The following AMZ1 variants were observed in gnomAD, a reference collection of about 807,000 sequenced individuals.
AMZ1 encodes archaelysin family metallopeptidase 1, also known as archaemetzincin-1.
AMZ1 carries 39 observed loss-of-function variants against 29.9 expected under a neutral mutation model. That is an observed-to-expected ratio of 1.30 (90% CI 1.01 to 1.70). AMZ1 has a LOEUF of 1.70. Ranked by LOEUF, AMZ1 falls within the 40% of genes most tolerant of loss-of-function variation. The pLI, the probability that AMZ1 is intolerant of heterozygous loss-of-function variation, is 0.00. For synonymous variants in AMZ1, 458 were observed against 304.0 expected, an observed-to-expected ratio of 1.51 and a Z score of -5.27; for missense variants, 1,041 against 680.6, an observed-to-expected ratio of 1.53 and a Z score of -5.89.
Position 2,712,533 on chromosome 7 carries a change from G to A in AMZ1, c.1152G>A (p.Gly384=), listed in dbSNP as rs747202914. The change falls in exon 7 of 7, where the codon GGG becomes GGA. Residue 384 remains glycine, a synonymous_variant. Transcript: ENST00000683327. ...SHTFASGPEE[G]LSYLAASEAP... Reference sequence around the variant, plus strand: ...CCTTCGCCTCGGGGCCAGAGGAAGGGCTGAGCTACCTGGCAGCCTCAGAGG... The same window carrying A: ...CCTTCGCCTCGGGGCCAGAGGAAGGACTGAGCTACCTGGCAGCCTCAGAGG... The A allele has an allele frequency of 4.4e-6, 7 of 1,608,444 alleles. No individual in the cohort carries two copies. The African/African-American group carries it at 5.3e-5, about 12-fold the overall frequency.
rs754714883 is a variant in AMZ1, at chr7:2,708,748, G to C, written c.601+32G>C. The C allele has an allele frequency of 2.5e-6, 4 of 1,610,900 alleles. No individual in the cohort carries two copies. The South Asian group carries it at 3.3e-5, about 13-fold the overall frequency. On this transcript the variant is annotated intron_variant, in intron 4 of 6. Transcript: ENST00000683327. ...CGGGGCCCCAGCAGCTGTGCGTGGG[G>C]GGTAGCCTGGCATGGGGCTGTGGCC... is the stretch of plus-strand genomic sequence containing the variant.
intron 1 of AMZ1, among the ~76,000 whole-genome samples, chr7:2,699,997 C>A (rs947005318): frequency 3.3e-5 from 5 of 152,142 alleles, no homozygotes; most frequent in Non-Finnish European, 5.9e-5. Flanking sequence ...AGACTGTGAC[C>A]GTCCCCTGGG....
intron 3 of AMZ1, among the ~76,000 whole-genome samples, chr7:2,706,182 A>T (rs1055130757): frequency 3.9e-5 from 6 of 152,086 alleles, no homozygotes; most frequent in Non-Finnish European, 7.4e-5. Context: ...CCTGGTTTTT[A>T]ATTTTTTTTT....
At chr7:2,708,115 G>T (rs988491221) in intron 3 of AMZ1, among the ~76,000 whole-genome samples, 3 of 152,148 alleles carry the variant, frequency 2.0e-5, no homozygotes, top group African/African-American at 7.2e-5. Context: ...GAGCCACTGT[G>T]CCCGGCCTTA....
At chr7:2,737,115 C>A (rs975178049) in intron 4 of AMZ1, among the ~76,000 whole-genome samples, 2 of 152,040 alleles carry the variant, frequency 1.3e-5, no homozygotes, top group East Asian at 1.9e-4. Context: ...AAAAGGTAAC[C>A]GTGGATTGGT....
chr7:2,704,247 A>C (rs566311811), intron 3 of AMZ1, among the ~76,000 whole-genome samples: 106 of 152,324 alleles, frequency 7.0e-4, no homozygotes, highest in African/African-American at 2.4e-3. Flanking sequence ...TCACACATGT[A>C]ATCCCAGTAC....
chr7:2,694,389 C>T (rs1787582368), intron 1 of AMZ1, among the ~76,000 whole-genome samples: 1 of 152,152 alleles, frequency 6.6e-6, no homozygotes, highest in African/African-American at 2.4e-5. Flanking sequence ...TTCCCTGGGT[C>T]TCTGGCTTGT....
upstream of AMZ1, chr7:2,763,066 G>A: frequency 8.0e-7 from 1 of 1,247,498 alleles, no homozygotes; most frequent in Non-Finnish European, 1.0e-6. Context: ...CGCAGACCGG[G>A]GCTCCCTACC....
chr7:2,712,338 C>T lies in AMZ1; in HGVS notation c.957C>T (p.Tyr319=). The T allele has an allele frequency of 1.3e-6, 2 of 1,586,930 alleles. No homozygotes were observed. Among genetic ancestry groups the T allele is most frequent in the Non-Finnish European group, 1.7e-6 (2 of 1,166,010 alleles). Residue 319 remains tyrosine, a synonymous_variant, in exon 7 of 7, where the codon TAC becomes TAT. Coordinates refer to ENST00000683327, the MANE Select transcript of AMZ1 (RefSeq NM_001384743.1). ...GTGTTTCTCCCTCTTAGAGACTCTA[C>T]ACCTGGACTCAGGCGGTGGTGGGGA... is the stretch of plus-strand genomic sequence containing the variant. ...FRLIERYQRL[Y]TWTQAVVGTW...
intron 6 of AMZ1, among the ~76,000 whole-genome samples, 164 bp from the exon 7 acceptor site, chr7:2,712,166 C>T (rs1011907910): frequency 6.6e-6 from 1 of 152,148 alleles, no homozygotes; most frequent in African/African-American, 2.4e-5. Context: ...GACATGAGTC[C>T]TCAAAGGGTG....
At chr7:2,751,980 A>C (rs1004189187) in intron 4 of AMZ1, among the ~76,000 whole-genome samples, 1 of 152,226 alleles carries the variant, frequency 6.6e-6, no homozygotes, top group African/African-American at 2.4e-5. Flanking sequence ...AAGAGGAAGA[A>C]ATAATTTCCA....
rs1171695994 is a variant in AMZ1 at position 2,713,978 on chromosome 7, T to TTGATCTGTCTCCCTTTAGTTTTGCCGGA, written c.*1102_*1129dup. The TTGATCTGTCTCCCTTTAGTTTTGCCGGA allele has an allele frequency of 9.2e-5, 14 of 152,370 alleles. No homozygotes were observed. Among genetic ancestry groups the TTGATCTGTCTCCCTTTAGTTTTGCCGGA allele is most frequent in the African/African-American group, 3.4e-4 (14 of 41,578 alleles). 9.4% of individuals were successfully genotyped at this position (152,370 alleles called of 1,614,324 possible). A position where few individuals can be genotyped will look rare whatever the true frequency, so the allele number is the denominator to read the frequency against. The stretch of plus-strand genomic sequence containing the variant: ...GGGTATTATTGCCATGGCTGGGCGT[T>TTGATCTGTCTCCCTTTAGTTTTGCCGGA]TGATCTGTCTCCCTTTAGTTTTGCC... On this transcript the variant is annotated 3_prime_UTR_variant, in exon 7 of 7. Coordinates refer to ENST00000683327, the MANE Select transcript of AMZ1 (RefSeq NM_001384743.1).
intron 3 of AMZ1, 132 bp from the exon 4 acceptor site, chr7:2,708,456 G>T (rs577283570): frequency 1.0e-5 from 14 of 1,380,606 alleles, no homozygotes; most frequent in African/African-American, 7.1e-5. Flanking sequence ...ACCAAACGCT[G>T]GTGGCCCACA....
intron 1 of AMZ1, among the ~76,000 whole-genome samples, chr7:2,697,599 G>GT (rs1787822021): frequency 6.6e-6 from 1 of 151,546 alleles, no homozygotes. Flanking sequence ...AATTTTTTGT[G>GT]TTTTTAGTAG....
Position 2,717,015 on chromosome 7 carries a change from A to G in AMZ1, c.*4137A>G, listed in dbSNP as rs772790129. ...GCGGTCTGAGCAGGAAGAGAGTAAG[A>G]AGGCGCACGGACGCGGGAGGCCTGC... On this transcript the variant is annotated 3_prime_UTR_variant, in exon 7 of 7. Coordinates refer to ENST00000683327, the MANE Select transcript of AMZ1 (RefSeq NM_001384743.1). Among the ~76,000 whole-genome samples, 2 of 152,146 alleles carry G rather than the reference A, an allele frequency of 1.3e-5. No homozygotes were observed. Among genetic ancestry groups the G allele is most frequent in the Non-Finnish European group, 2.9e-5 (2 of 68,036 alleles).
At chr7:2,696,449 G>T (rs1002404933) in intron 1 of AMZ1, among the ~76,000 whole-genome samples, 2 of 150,786 alleles carry the variant, frequency 1.3e-5, no homozygotes, top group Admixed American at 6.6e-5. Context: ...AGTAGAGACG[G>T]GGTTTCACCA....
At chr7:2,741,864 C>T (rs1247344896) in intron 4 of AMZ1, among the ~76,000 whole-genome samples, 1 of 150,180 alleles carries the variant, frequency 6.7e-6, no homozygotes, top group African/African-American at 2.5e-5. Context: ...GGATGACTGT[C>T]TCATAATTAC....
chr7:2,762,502 G>C (rs1449353441), upstream of AMZ1: 8 of 884,310 alleles, frequency 9.0e-6, no homozygotes, highest in Non-Finnish European at 1.3e-5. Context: ...GGTGTGAGTA[G>C]CCTAACTGTG....
intron 4 of AMZ1, among the ~76,000 whole-genome samples, chr7:2,734,078 G>A (rs1790036799): frequency 6.6e-6 from 1 of 152,202 alleles, no homozygotes; most frequent in South Asian, 2.1e-4. Flanking sequence ...GGATTGTTGT[G>A]GTGGAATGAT....
Sources: gnomAD v4.1 joint callset for allele counts (sites outside exome capture counted in the v4.1 genomes callset) on GRCh38, gnomAD v4.1.1 for gene constraint, MANE v1.5 for transcripts, NCBI Gene and HGNC (gene_info 2026-07-23, HGNC 2026-07-21) for gene names.